MBNL2: variants seen among roughly 807,000 people sequenced by gnomAD.
MBNL2 encodes muscleblind-like protein 2.
Under a neutral mutation model 41.9 loss-of-function variants are expected in MBNL2, and 17 were observed. That is an observed-to-expected ratio of 0.41 (90% CI 0.28 to 0.61). The LOEUF (loss-of-function observed/expected upper bound fraction) is 0.61. MBNL2 is among the 20% of genes least tolerant of loss of function. MBNL2 has a pLI of 0.35. For missense variants in MBNL2, 336 were observed against 505.6 expected, an observed-to-expected ratio of 0.66 and a Z score of 3.22; for synonymous variants, 195 against 182.9, an observed-to-expected ratio of 1.07 and a Z score of -0.53.
chr13:97,376,350 A>C (rs1017343913), intron 8 of MBNL2, among the ~76,000 whole-genome samples: 8 of 152,142 alleles, frequency 5.3e-5, no homozygotes, highest in African/African-American at 1.7e-4. Context: ...ATTGACCATA[A>C]AAAGGATGGT....
chr13:97,282,321 C>T (rs2053591835), intron 2 of MBNL2, among the ~76,000 whole-genome samples: 1 of 152,048 alleles, frequency 6.6e-6, no homozygotes, highest in Admixed American at 6.6e-5. Flanking sequence ...CACCACTGTA[C>T]TCCAGCCTGG....
rs187921486 is a variant in MBNL2, at chr13:97,315,271, C to T, written c.175-19005C>T. ...ATAATTATCAAGGTATATTTGTTCA[C>T]TCCAGATCTCATCCCACAAGGTTTA... On this transcript the variant is annotated intron_variant, in intron 2 of 8. Coordinates refer to ENST00000679496, the MANE Select transcript of MBNL2 (RefSeq NM_001382683.1). Among the ~76,000 whole-genome samples the T allele has an allele frequency of 8.9e-4, 136 of 152,344 alleles. 1 individual carries two copies. Among genetic ancestry groups the T allele is most frequent in the Admixed American group, 1.7e-3 (26 of 15,298 alleles).
At chr13:97,181,031 C>T in the MBNL2 span, among the ~76,000 whole-genome samples, 1 of 152,016 alleles carries the variant, frequency 6.6e-6, no homozygotes, top group Non-Finnish European at 1.5e-5. Context: ...TCTCCTTCTT[C>T]CATCTTGAAA....
chr13:97,251,742 T>C (rs980477911), intron 1 of MBNL2, among the ~76,000 whole-genome samples: 1 of 152,100 alleles, frequency 6.6e-6, no homozygotes, highest in Non-Finnish European at 1.5e-5. Flanking sequence ...ATAAATTTAT[T>C]CTTTATTTTC....
At chr13:97,148,226 A>G in the MBNL2 span, among the ~76,000 whole-genome samples, 1 of 152,234 alleles carries the variant, frequency 6.6e-6, no homozygotes, top group African/African-American at 2.4e-5. Context: ...TTGTATGATT[A>G]GCAAATGTTC....
intron 1 of MBNL2, among the ~76,000 whole-genome samples, chr13:97,231,171 C>T (rs1296859801): frequency 1.3e-5 from 2 of 152,206 alleles, no homozygotes; most frequent in African/African-American, 2.4e-5. Context: ...AGAAAATAGC[C>T]TTTCATGATG....
rs561620790 is a variant in MBNL2 at position 97,360,347 on chromosome 13, C to CAAACT, written c.1012+2714_1012+2718dup. Among the ~76,000 whole-genome samples the CAAACT allele has an allele frequency of 2.8e-3, 422 of 152,250 alleles. 2 individuals carry two copies. The highest frequency in any genetic ancestry group is 9.3e-3 in the African/African-American group (385 of 41,568). On this transcript the variant is annotated intron_variant, in intron 7 of 8. Coordinates refer to ENST00000679496, the MANE Select transcript of MBNL2 (RefSeq NM_001382683.1). ...TATGCAAAATATGAGAGTCTTCTCC[C>CAAACT]AAACTATGCTAAGATAATTATTGCC...
At chr13:97,336,820 C>G (rs1181079222) in intron 3 of MBNL2, among the ~76,000 whole-genome samples, 1 of 152,128 alleles carries the variant, frequency 6.6e-6, no homozygotes, top group Non-Finnish European at 1.5e-5. Flanking sequence ...CTAATAGATG[C>G]AAAAACTGCA....
chr13:97,335,854 T>C (rs1016743967), intron 3 of MBNL2, among the ~76,000 whole-genome samples: 2 of 152,224 alleles, frequency 1.3e-5, no homozygotes, highest in Non-Finnish European at 2.9e-5. Context: ...ACTACACACA[T>C]GTATAATTTA....
intron 1 of MBNL2, among the ~76,000 whole-genome samples, chr13:97,254,311 C>A (rs2047129287): frequency 6.6e-6 from 1 of 152,112 alleles, no homozygotes; most frequent in South Asian, 2.1e-4. Context: ...GTTAATATTT[C>A]TTTCTCTTTG....
intron 1 of MBNL2, among the ~76,000 whole-genome samples, chr13:97,255,788 C>T (rs924412054): frequency 3.9e-5 from 6 of 152,162 alleles, no homozygotes; most frequent in African/African-American, 9.7e-5. Context: ...GCCAATTATC[C>T]GTGAAGCATC....
At chr13:97,186,535 T>A in the MBNL2 span, among the ~76,000 whole-genome samples, 1 of 152,254 alleles carries the variant, frequency 6.6e-6, no homozygotes, top group South Asian at 2.1e-4. Context: ...TATCTTTTAA[T>A]AAAAGTTATA....
rs540907576 is a variant in MBNL2, at chr13:97,261,890, A to T, written c.-604-13742A>T. ...TCCTCGCTGAGGCTGGGCCTCCATG[A>T]CAGCCAGCCACCCTGTCCTTCCCCC... On this transcript the variant is annotated intron_variant, in intron 1 of 8. Coordinates refer to ENST00000679496, the MANE Select transcript of MBNL2 (RefSeq NM_001382683.1). 6.6e-5 allele frequency among the ~76,000 whole-genome samples: 10 copies of T among 152,284 alleles called. 1 individual carries two copies. Among genetic ancestry groups the T allele is most frequent in the African/African-American group, 2.4e-4 (10 of 41,564 alleles).
chr13:97,324,065 C>T (rs767948044), intron 2 of MBNL2, among the ~76,000 whole-genome samples: 1 of 152,152 alleles, frequency 6.6e-6, no homozygotes, highest in Non-Finnish European at 1.5e-5. Context: ...CCCACCTCCT[C>T]GCTCCAAATG....
At chr13:97,146,955 C>A in the MBNL2 span, among the ~76,000 whole-genome samples, 1 of 152,160 alleles carries the variant, frequency 6.6e-6, no homozygotes, top group East Asian at 1.9e-4. Flanking sequence ...TGCTATGGAC[C>A]ACAGCAGACC....
rs1362114338 is a variant in MBNL2, at chr13:97,393,297, TTA to T, written c.*1849_*1850del. ...TCTGTTTTTTTCTTTGTTAATTCAT[TTA>T]AACTCATTGAAAACATAGTATACAT... On this transcript the variant is annotated 3_prime_UTR_variant, in exon 9 of 9. Coordinates refer to ENST00000679496, the MANE Select transcript of MBNL2 (RefSeq NM_001382683.1). The T allele has an allele frequency of 6.6e-6, 1 of 152,426 alleles. No individual in the cohort carries two copies. Among genetic ancestry groups the T allele is most frequent in the Non-Finnish European group, 1.5e-5 (1 of 67,894 alleles). 9.4% of individuals were successfully genotyped at this position (152,426 alleles called of 1,614,324 possible).
At chr13:97,286,455 G>C (rs148891512) in intron 2 of MBNL2, among the ~76,000 whole-genome samples, 1 of 152,072 alleles carries the variant, frequency 6.6e-6, no homozygotes, top group Non-Finnish European at 1.5e-5. Flanking sequence ...AACCACCATC[G>C]TGTCTCACAT....
upstream of MBNL2, among the ~76,000 whole-genome samples, chr13:97,216,931 TA>T (rs1293355854): frequency 1.3e-5 from 2 of 149,642 alleles, no homozygotes; most frequent in African/African-American, 4.9e-5. Flanking sequence ...AATACACATA[TA>T]ATGTATAATA....
the MBNL2 span, among the ~76,000 whole-genome samples, chr13:97,162,616 C>G: frequency 6.6e-6 from 1 of 152,138 alleles, no homozygotes; most frequent in Non-Finnish European, 1.5e-5. Flanking sequence ...GTATCTAGCG[C>G]TCCTCACTGT....
Sources: allele counts gnomAD v4.1 joint callset (sites outside exome capture counted in the v4.1 genomes callset), GRCh38; gene constraint gnomAD v4.1.1; transcripts MANE v1.5; gene names NCBI Gene and HGNC (gene_info 2026-07-23, HGNC 2026-07-21).